Variants in SH3BP4 observed in about 807,000 individuals in gnomAD.
The protein encoded by SH3BP4 is SH3 domain binding protein 4.
Under a neutral mutation model 65.5 loss-of-function variants are expected in SH3BP4, and 33 were observed. The observed-to-expected ratio is 0.50, with a 90% CI of 0.38 to 0.67. SH3BP4 has a LOEUF of 0.67. Among genes scored for constraint, SH3BP4 ranks in the 30% least tolerant of loss-of-function variants. The pLI is 0.00. For missense variants in SH3BP4, 1,134 were observed against 1,261.4 expected (o/e 0.90, Z 1.53); for synonymous variants, 552 against 545.5 (o/e 1.01, Z -0.17).
intron 2 of SH3BP4, among the ~76,000 whole-genome samples, chr2:235,006,582 C>T (rs559427273): frequency 6.6e-6 from 1 of 152,268 alleles, no homozygotes; most frequent in East Asian, 1.9e-4. Context: ...GGGGCCTGTG[C>T]TCTCAGGAGT....
At position 235,034,241 on chromosome 2, in the gene SH3BP4, G is replaced by A. The variant is rs1035401794; in HGVS notation, c.-132-630G>A. Among the ~76,000 whole-genome samples, 2 of 152,184 alleles carry A rather than the reference G, an allele frequency of 1.3e-5. No homozygotes were observed. Among genetic ancestry groups the A allele is most frequent in the Non-Finnish European group, 2.9e-5 (2 of 68,030 alleles). ...AGATCTTTCCTGCTTAGTAACAGTG[G>A]TTCAGTAAATATGCCCTGGTTTCAT... On this transcript the variant is annotated intron_variant, in intron 2 of 5. Coordinates refer to ENST00000392011, the MANE Select transcript of SH3BP4 (RefSeq NM_014521.3). This position sits in a 1 kb window ranked among gnomAD's most constrained non-coding sequence, Gnocchi z 6.2.
rs759293465 is a variant in SH3BP4 at position 235,042,968 on chromosome 2, C to T, written c.2199C>T (p.Pro733=). The T allele has an allele frequency of 5.5e-5, 89 of 1,612,682 alleles. No individual in the cohort carries two copies. The highest frequency in any genetic ancestry group is 1.1e-4 in the African/African-American group (8 of 74,918). Residue 733 remains proline, a synonymous_variant, in exon 4 of 6, where the codon CCC becomes CCT. Coordinates refer to ENST00000392011, the MANE Select transcript of SH3BP4 (RefSeq NM_014521.3). This position sits in a 1 kb window ranked among gnomAD's most constrained non-coding sequence, Gnocchi z 7.3. ...GRARPSLCSG[P]ELSTSVLLEQ... ...CCCGGCCCAGCCTGTGCTCGGGCCC[C>T]GAGCTGAGCACCTCGGTGCTGCTGG...
intron 2 of SH3BP4, among the ~76,000 whole-genome samples, chr2:234,996,322 A>C (rs1432394408): frequency 6.6e-6 from 1 of 152,114 alleles, no homozygotes; most frequent in African/African-American, 2.4e-5. Context: ...TTTTTCTTTA[A>C]ATCCTGTAAA....
intron 2 of SH3BP4, among the ~76,000 whole-genome samples, chr2:235,021,531 A>C (rs1694844817): frequency 6.6e-6 from 1 of 151,862 alleles, no homozygotes; most frequent in Non-Finnish European, 1.5e-5. Context: ...AGGCAGGAGA[A>C]TCCCTTGAAC....
intron 2 of SH3BP4, among the ~76,000 whole-genome samples, chr2:234,999,979 C>T (rs990872058): frequency 9.2e-5 from 14 of 152,232 alleles, no homozygotes; most frequent in African/African-American, 3.4e-4. Context: ...ATCCAAGTCT[C>T]AGAAGCAGCT....
intron 3 of SH3BP4, among the ~76,000 whole-genome samples, chr2:235,040,163 C>T (rs1388556008): frequency 1.2e-4 from 19 of 152,108 alleles, no homozygotes; most frequent in Non-Finnish European, 5.9e-5. Context: ...TGAATCTGAG[C>T]GGCTGAGGTT....
rs1401461656 is a variant in SH3BP4 at position 235,041,963 on chromosome 2, A to G, written c.1194A>G (p.Ser398=). The change falls in exon 4 of 6, where the codon TCA becomes TCG. Residue 398 remains serine, a synonymous_variant. Transcript: ENST00000392011. The surrounding 1 kb of genome is among the most constrained non-coding windows in gnomAD (Gnocchi z 6.0). ...CTATCATCTTGGAGATGAAAGTGTCAGCCGAGATAAAAAATGACCTTTTTA... is the reference window on the plus strand; with the variant it reads ...CTATCATCTTGGAGATGAAAGTGTCGGCCGAGATAAAAAATGACCTTTTTA... ...KTSIILEMKV[S]AEIKNDLFSK... 4.3e-6 allele frequency: 7 copies of G among 1,613,380 alleles called. No individual in the cohort carries two copies. The highest frequency in any genetic ancestry group is 5.9e-6 in the Non-Finnish European group (7 of 1,179,558).
At chr2:234,998,947 A>T (rs10929078) in intron 2 of SH3BP4, among the ~76,000 whole-genome samples, 53,164 of 152,024 alleles carry the variant, frequency 0.35, 12,100 homozygotes, top group East Asian at 0.74. Context: ...ACCTCCCCGT[A>T]ATCAGCAGAT....
Position 235,053,854 on chromosome 2 carries a change from C to T in SH3BP4, c.*38C>T. 2 of 1,470,478 alleles carry T rather than the reference C, an allele frequency of 1.4e-6. No homozygotes were observed. The highest frequency in any genetic ancestry group is 1.9e-6 in the Non-Finnish European group (2 of 1,050,188). 91.1% of individuals were successfully genotyped at this position (1,470,478 alleles called of 1,614,324 possible). On this transcript the variant is annotated 3_prime_UTR_variant, in exon 6 of 6. Coordinates refer to ENST00000392011, the MANE Select transcript of SH3BP4 (RefSeq NM_014521.3). Reference sequence around the variant, plus strand: ...CCCTCCTGCTGCTCTGGAGTGCAAGCCCTCTTCTGCCCTGCGTGCCCTGCT... The same window carrying T: ...CCCTCCTGCTGCTCTGGAGTGCAAGTCCTCTTCTGCCCTGCGTGCCCTGCT...
chr2:234,965,483 G>A (rs1335313481), intron 1 of SH3BP4, among the ~76,000 whole-genome samples: 1 of 152,202 alleles, frequency 6.6e-6, no homozygotes, highest in Admixed American at 6.5e-5. Context: ...CATCTCTTCT[G>A]TGAAAACTTG....
chr2:235,004,976 G>T (rs1309806221), intron 2 of SH3BP4, among the ~76,000 whole-genome samples: 2 of 152,184 alleles, frequency 1.3e-5, no homozygotes, highest in African/African-American at 4.8e-5. Context: ...AGGAGGTAGG[G>T]CTTGGTATGT....
intron 1 of SH3BP4, among the ~76,000 whole-genome samples, chr2:234,975,322 A>T (rs1343316205): frequency 6.6e-6 from 1 of 152,054 alleles, no homozygotes; most frequent in East Asian, 1.9e-4. Context: ...ACTCGTGGGG[A>T]AGCCAGGCCT....
chr2:234,986,682 T>A (rs1693569458), intron 1 of SH3BP4, among the ~76,000 whole-genome samples: 2 of 152,194 alleles, frequency 1.3e-5, no homozygotes, highest in South Asian at 4.2e-4. Flanking sequence ...TCAGCCTCAG[T>A]TCTCTTATCT....
intron 4 of SH3BP4, among the ~76,000 whole-genome samples, chr2:235,048,091 G>A (rs1194974450): frequency 9.2e-5 from 14 of 152,150 alleles, no homozygotes; most frequent in Admixed American, 8.5e-4. Context: ...CTCCAGAAGA[G>A]GAGGAGTTGA....
In SH3BP4 at chr2:234,993,386, C is replaced by T. The variant is rs572253427; in HGVS notation, c.-206-1917C>T. ...GCGATGGACCCGCCTGATGAAGGGG[C>T]CCAGCAGTGCCGGTGCCTGCCTAGA... On this transcript the variant is annotated intron_variant, in intron 1 of 5. Transcript: ENST00000392011. Among the ~76,000 whole-genome samples the T allele has an allele frequency of 9.2e-5, 14 of 152,274 alleles. No individual in the cohort carries two copies. In the East Asian group the frequency reaches 2.5e-3, roughly 27 times the overall value.
intron 2 of SH3BP4, among the ~76,000 whole-genome samples, chr2:234,998,235 G>C (rs1203423110): frequency 6.6e-6 from 1 of 152,214 alleles, no homozygotes; most frequent in Non-Finnish European, 1.5e-5. Context: ...TGCCTGGGGG[G>C]GCACGTGAAC....
chr2:234,977,272 G>A lies in SH3BP4; in HGVS notation c.-206-18031G>A, dbSNP rs927516452. On this transcript the variant is annotated intron_variant, in intron 1 of 5. Coordinates refer to ENST00000392011, the MANE Select transcript of SH3BP4 (RefSeq NM_014521.3). This position sits in a 1 kb window ranked among gnomAD's most constrained non-coding sequence, Gnocchi z 5.1. The stretch of plus-strand genomic sequence containing the variant: ...AGCTCAGGGTCCCCATTTCCTGGCC[G>A]GGAACTTCCCTTTCCTACAGACCCT... Among the ~76,000 whole-genome samples the A allele has an allele frequency of 6.6e-5, 10 of 152,156 alleles. No homozygotes were observed. In the East Asian group the frequency reaches 9.6e-4, roughly 15 times the overall value.
At chr2:235,038,376 C>CATATATATATAT (rs1177080438) in intron 3 of SH3BP4, among the ~76,000 whole-genome samples, 6 of 12,362 alleles carry the variant, frequency 4.9e-4, no homozygotes, top group Non-Finnish European at 6.1e-4. Context: ...AATATATATA[C>CATATATATATAT]ATATATATAT....
chr2:234,954,845 C>G (rs1486913717), intron 1 of SH3BP4, among the ~76,000 whole-genome samples: 3 of 152,098 alleles, frequency 2.0e-5, no homozygotes, highest in East Asian at 1.9e-4. Context: ...GAGCTTCTTA[C>G]AGAGCCCTTG....
Sources: gnomAD v4.1 joint callset for allele counts (sites outside exome capture counted in the v4.1 genomes callset) on GRCh38, gnomAD v4.1.1 for gene constraint, Gnocchi (gnomAD v3.1) non-coding constraint, MANE v1.5 for transcripts, NCBI Gene and HGNC (gene_info 2026-07-23, HGNC 2026-07-21) for gene names.